Variants in EHD2 observed in about 807,000 individuals in gnomAD.
EHD2 encodes EH domain containing 2.
Under a neutral mutation model 41.0 loss-of-function variants are expected in EHD2, and 27 were observed. That is an observed-to-expected ratio of 0.66 (90% CI 0.49 to 0.91). The LOEUF is 0.91. EHD2 is among the 40% of genes least tolerant of loss of function. EHD2 has a pLI of 0.00. For synonymous variants in EHD2, 342 were observed against 341.0 expected (o/e 1.00, Z -0.03); for missense variants, 673 against 773.9 (o/e 0.87, Z 1.55).
At chr19:47,722,717 C>G (rs954564044) in intron 3 of EHD2, among the ~76,000 whole-genome samples, 16 of 152,090 alleles carry the variant, frequency 1.1e-4, no homozygotes, top group African/African-American at 1.4e-4. Context: ...AGGTGCCCAC[C>G]ACCACACCCA....
intron 3 of EHD2, among the ~76,000 whole-genome samples, chr19:47,722,811 A>T (rs1174013137): frequency 6.6e-6 from 1 of 151,790 alleles, no homozygotes; most frequent in Non-Finnish European, 1.5e-5. Flanking sequence ...CAGGTGATCC[A>T]CCCGCCTCAG....
Position 47,742,013 on chromosome 19 carries a change from G to A in EHD2, c.*581G>A, listed in dbSNP as rs1392981988. The A allele has an allele frequency of 6.6e-6, 3 of 451,982 alleles. No individual in the cohort carries two copies. Among genetic ancestry groups the A allele is most frequent in the African/African-American group, 6.0e-5 (3 of 49,868 alleles). 28.0% of individuals were successfully genotyped at this position (451,982 alleles called of 1,614,324 possible). A position where few individuals can be genotyped will look rare whatever the true frequency, so the allele number is the denominator to read the frequency against. On this transcript the variant is annotated 3_prime_UTR_variant, in exon 6 of 6. Transcript: ENST00000263277. ...GGCTCCATCACATCCTCAGGTCTCGGGACCATGGGGGGCTCAGAGGGGAGA... is the reference window on the plus strand; with the variant it reads ...GGCTCCATCACATCCTCAGGTCTCGAGACCATGGGGGGCTCAGAGGGGAGA...
chr19:47,718,442 T>G, intron 2 of EHD2, 67 bp from the exon 3 acceptor site: 2 of 1,387,274 alleles, frequency 1.4e-6, no homozygotes, highest in Non-Finnish European at 2.0e-6. Flanking sequence ...TCCCTCTTCA[T>G]GTTTTCTTCG....
chr19:47,726,921 T>G (rs1973759651), intron 4 of EHD2, among the ~76,000 whole-genome samples: 1 of 151,974 alleles, frequency 6.6e-6, no homozygotes, highest in African/African-American at 2.4e-5. Flanking sequence ...CAAGTGATCC[T>G]CCCCTTTTGG....
intron 5 of EHD2, among the ~76,000 whole-genome samples, chr19:47,738,539 T>C (rs1966948974): frequency 6.6e-6 from 1 of 152,154 alleles, no homozygotes; most frequent in Admixed American, 6.6e-5. Context: ...TGACTTCAGG[T>C]GATCCTCCTG....
chr19:47,731,279 A>AAAAAAAAAAAAAATAT, intron 4 of EHD2: 3 of 60,922 alleles, frequency 4.9e-5, no homozygotes, highest in African/African-American at 1.5e-4. Context: ...AAAAAAAAAA[A>AAAAAAAAAAAAAATAT]ATATATATAT....
At chr19:47,735,542 A>G (rs1966912255) in intron 4 of EHD2, among the ~76,000 whole-genome samples, 1 of 151,770 alleles carries the variant, frequency 6.6e-6, no homozygotes, top group Non-Finnish European at 1.5e-5. Flanking sequence ...AGGCTGCAGT[A>G]AGTTATGATC....
At chr19:47,728,571 C>CTTTTT (rs761204748) in intron 4 of EHD2, among the ~76,000 whole-genome samples, 23 of 131,146 alleles carry the variant, frequency 1.8e-4, no homozygotes, top group Non-Finnish European at 2.4e-4. Flanking sequence ...TTCTTTCTTT[C>CTTTTT]TTTTTTTTTT....
At position 47,741,486 on chromosome 19, in the gene EHD2, C is replaced by T. The variant is rs1364776664; in HGVS notation, c.*54C>T. On this transcript the variant is annotated 3_prime_UTR_variant, in exon 6 of 6. Coordinates refer to ENST00000263277, the MANE Select transcript of EHD2 (RefSeq NM_014601.4). The surrounding 1 kb of genome is among the most constrained non-coding windows in gnomAD (Gnocchi z 4.5). ...GGCTCCCCAGCTCCAGTCGGCTGCA[C>T]GCACACCCCTGCTCCGGCTCACACA... 25 of 1,514,486 alleles carry T rather than the reference C, an allele frequency of 1.7e-5. No homozygotes were observed. The highest frequency in any genetic ancestry group is 2.8e-5 in the African/African-American group (2 of 72,466). The allele number at this position is 1,514,486 out of a possible 1,614,324, so 93.8% of individuals were successfully genotyped here.
chr19:47,718,721 GGTCTGGACT>G (rs1973660267), intron 3 of EHD2, 115 bp downstream of exon 3: 1 of 930,574 alleles, frequency 1.1e-6, no homozygotes, highest in African/African-American at 2.1e-5. Context: ...GAGGGGCTGG[GGTCTGGACT>G]CCTGGGTCTG....
chr19:47,730,629 C>T (rs1028508086), intron 4 of EHD2, among the ~76,000 whole-genome samples: 1 of 152,126 alleles, frequency 6.6e-6, no homozygotes, highest in East Asian at 1.9e-4. Flanking sequence ...AGGCATTCAC[C>T]CTCCTCCCAG....
chr19:47,734,138 G>C (rs1358575374), intron 4 of EHD2, among the ~76,000 whole-genome samples: 1 of 152,152 alleles, frequency 6.6e-6, no homozygotes, highest in African/African-American at 2.4e-5. Context: ...GATGACGCTC[G>C]AATGGACATG....
chr19:47,741,575 A>T lies in EHD2; in HGVS notation c.*143A>T, dbSNP rs1205411146. The T allele has an allele frequency of 2.2e-5, 21 of 966,362 alleles. No homozygotes were observed. Among genetic ancestry groups the T allele is most frequent in the Non-Finnish European group, 1.5e-6 (1 of 666,422 alleles). The allele number at this position is 966,362 out of a possible 1,614,324, so 59.9% of individuals were successfully genotyped here. A position where few individuals can be genotyped will look rare whatever the true frequency, so the allele number is the denominator to read the frequency against. On this transcript the variant is annotated 3_prime_UTR_variant, in exon 6 of 6. Transcript: ENST00000263277. This position sits in a 1 kb window ranked among gnomAD's most constrained non-coding sequence, Gnocchi z 4.5. ...GGGTCTCCCTCCTCACTACCGCCAGACACCCCGGTGGAAGCATTTAGAGGG... is the reference window on the plus strand; with the variant it reads ...GGGTCTCCCTCCTCACTACCGCCAGTCACCCCGGTGGAAGCATTTAGAGGG...
intron 3 of EHD2, among the ~76,000 whole-genome samples, chr19:47,720,740 G>T (rs1177024173): frequency 6.6e-6 from 1 of 152,036 alleles, no homozygotes; most frequent in Non-Finnish European, 1.5e-5. Context: ...ACTTTGTGTG[G>T]CTGCATGGGG....
At chr19:47,739,597 C>CAAAA (rs869157023) in intron 5 of EHD2, among the ~76,000 whole-genome samples, 4 of 60,736 alleles carry the variant, frequency 6.6e-5, no homozygotes, top group Non-Finnish European at 7.0e-5. Context: ...CGAAACTCGT[C>CAAAA]AAAAAAAAAA....
At chr19:47,729,137 A>C (rs1973782637) in intron 4 of EHD2, among the ~76,000 whole-genome samples, 1 of 152,048 alleles carries the variant, frequency 6.6e-6, no homozygotes, top group South Asian at 2.1e-4. Flanking sequence ...GAGGAGACAG[A>C]TCCATCCCCA....
rs201158232 is a variant in EHD2 at position 47,716,983 on chromosome 19, A to T, written c.371A>T (p.Lys124Ile). 3.2e-5 allele frequency: 51 copies of T among 1,602,818 alleles called. No individual in the cohort carries two copies. The highest frequency in any genetic ancestry group is 1.3e-5 in the African/African-American group (1 of 74,908). ...GTGGACCCGGACAAGCCCTTCCGCA[A>T]ACTCAACCCTTTCGGAAACACCTTC... ...LVVDPDKPFR[K>I]LNPFGNTFLN... Residue 124 changes from lysine (K) to isoleucine (I), a missense_variant, in exon 2 of 6, where the codon AAA becomes ATA. By Grantham distance (102) the Lys-to-Ile change is moderately radical. Coordinates refer to ENST00000263277, the MANE Select transcript of EHD2 (RefSeq NM_014601.4).
chr19:47,714,162 T>C (rs955617385), intron 1 of EHD2, among the ~76,000 whole-genome samples: 1 of 152,338 alleles, frequency 6.6e-6, no homozygotes, highest in South Asian at 2.1e-4. Context: ...ATGCTCAAAT[T>C]GCCCCATGTT....
rs1168747038 is a variant in EHD2 at position 47,731,267 on chromosome 19, TAAAAA to T, written c.915+5052_915+5056del. The T allele has an allele frequency of 9.5e-4, 62 of 65,174 alleles. 5 individuals carry two copies. Among genetic ancestry groups the T allele is most frequent in the African/African-American group, 3.0e-3 (61 of 20,222 alleles). The allele number at this position is 65,174 out of a possible 1,614,324, so 4.0% of individuals were successfully genotyped here. A position where few individuals can be genotyped will look rare whatever the true frequency, so the allele number is the denominator to read the frequency against. On this transcript the variant is annotated intron_variant, in intron 4 of 5. Coordinates refer to ENST00000263277, the MANE Select transcript of EHD2 (RefSeq NM_014601.4). ...TCAGCAGTCTAAATTTGTGATTCTT[TAAAAA>T]AAAAAAAATATATATATATATATAT...
Sources: gnomAD v4.1 joint callset for allele counts (sites outside exome capture counted in the v4.1 genomes callset) on GRCh38, gnomAD v4.1.1 for gene constraint, Gnocchi (gnomAD v3.1) non-coding constraint, MANE v1.5 for transcripts, NCBI Gene and HGNC (gene_info 2026-07-23, HGNC 2026-07-21) for gene names.